The following WWP1 variants were observed in gnomAD, a reference collection of about 807,000 sequenced individuals.
The protein encoded by WWP1 is WW domain containing E3 ubiquitin protein ligase 1.
WWP1 carries 49 observed loss-of-function variants against 130.6 expected under a neutral mutation model. The observed-to-expected ratio is 0.38, with a 90% CI of 0.30 to 0.48. WWP1 has a LOEUF of 0.48. WWP1 is among the 20% of genes least tolerant of loss of function. The pLI, the probability that WWP1 is intolerant of heterozygous loss-of-function variation, is 0.99. For synonymous variants in WWP1, 332 were observed against 367.8 expected, an observed-to-expected ratio of 0.90 and a Z score of 1.11; for missense variants, 809 against 1,100.6, an observed-to-expected ratio of 0.74 and a Z score of 3.75.
intron 3 of WWP1, among the ~76,000 whole-genome samples, chr8:86,376,114 C>G (rs907812028): frequency 6.6e-6 from 1 of 152,214 alleles, no homozygotes; most frequent in East Asian, 1.9e-4. Flanking sequence ...TGAAGAACCA[C>G]TTACATAATT....
At chr8:86,400,350 TAAATA>T (rs1351597854) in intron 7 of WWP1, among the ~76,000 whole-genome samples, 1 of 151,120 alleles carries the variant, frequency 6.6e-6, no homozygotes, top group Non-Finnish European at 1.5e-5. Flanking sequence ...AAAAAATAAA[TAAATA>T]AAGATAGTAA....
chr8:86,459,927 A>G (rs1237583424), intron 22 of WWP1, among the ~76,000 whole-genome samples: 1 of 152,214 alleles, frequency 6.6e-6, no homozygotes, highest in Admixed American at 6.5e-5. Flanking sequence ...TTGTGTTCTG[A>G]TGAAATATGT....
At chr8:86,356,426 C>T (rs189451077) in intron 1 of WWP1, among the ~76,000 whole-genome samples, 8 of 150,744 alleles carry the variant, frequency 5.3e-5, no homozygotes, top group East Asian at 3.9e-4. Flanking sequence ...ATCAAATGCA[C>T]GCATATATAT....
chr8:86,427,631 T>C lies in WWP1; in HGVS notation c.1158-12T>C, dbSNP rs1809707097. 1 of 1,586,434 alleles carries C rather than the reference T, an allele frequency of 6.3e-7. No individual in the cohort carries two copies. The highest frequency in any genetic ancestry group is 8.6e-7 in the Non-Finnish European group (1 of 1,163,580). On this transcript the variant is annotated splice_polypyrimidine_tract_variant and intron_variant, in intron 10 of 24. Coordinates refer to ENST00000517970, the MANE Select transcript of WWP1 (RefSeq NM_007013.4). Reference sequence around the variant, plus strand: ...TGAGAGATTATTGTTTATTATTGTTTACTTGTGGTAGTTGGGAAAGAAGAG... The same window carrying C: ...TGAGAGATTATTGTTTATTATTGTTCACTTGTGGTAGTTGGGAAAGAAGAG...
chr8:86,356,887 G>A (rs1823289197), intron 1 of WWP1, among the ~76,000 whole-genome samples: 1 of 152,120 alleles, frequency 6.6e-6, no homozygotes, highest in African/African-American at 2.4e-5. Flanking sequence ...ATTGTTGCAA[G>A]GTTGTTTCCA....
At chr8:86,397,664 CAT>C (rs944617346) in intron 5 of WWP1, among the ~76,000 whole-genome samples, 3 of 152,050 alleles carry the variant, frequency 2.0e-5, no homozygotes, top group African/African-American at 7.2e-5. Flanking sequence ...TCGTTTAATG[CAT>C]AGTCTAAATA....
At chr8:86,351,949 G>C (rs758436565) in intron 1 of WWP1, among the ~76,000 whole-genome samples, 16 of 151,866 alleles carry the variant, frequency 1.1e-4, no homozygotes, top group Non-Finnish European at 1.2e-4. Context: ...ACATTAGTTT[G>C]AGAACTGTTG....
At chr8:86,459,066 A>G (rs1223107803) in intron 22 of WWP1, among the ~76,000 whole-genome samples, 6 of 106,154 alleles carry the variant, frequency 5.7e-5, no homozygotes, top group African/African-American at 2.3e-4. Flanking sequence ...GTCTCACTCT[A>G]TTGCCTAGGC....
chr8:86,402,102 T>C lies in WWP1; in HGVS notation c.623T>C (p.Val208Ala), dbSNP rs1808019051. ...LVQNSCCSYV[V>A]NGDNTPSSPS... The stretch of plus-strand genomic sequence containing the variant: ...CAAAACTCATGCTGCTCGTATGTAG[T>C]TAATGGAGACAACACACCTTCATCT... The change falls in exon 8 of 25, where the codon GTT becomes GCT. Residue 208 changes from valine to alanine, a missense_variant. Val to Ala is a moderately conservative substitution (Grantham distance 64, BLOSUM62 0). Transcript: ENST00000517970. 1.2e-6 allele frequency: 2 copies of C among 1,614,096 alleles called. No homozygotes were observed. Among genetic ancestry groups the C allele is most frequent in the East Asian group, 4.5e-5 (2 of 44,870 alleles).
chr8:86,466,080 A>T (rs1410091401), intron 24 of WWP1, among the ~76,000 whole-genome samples: 1 of 152,176 alleles, frequency 6.6e-6, no homozygotes, highest in Non-Finnish European at 1.5e-5. Context: ...TACTGTAGGG[A>T]CCAAAACCCT....
At chr8:86,407,488 C>T (rs1367886775) in intron 8 of WWP1, among the ~76,000 whole-genome samples, 1 of 152,116 alleles carries the variant, frequency 6.6e-6, no homozygotes, top group Non-Finnish European at 1.5e-5. Flanking sequence ...CCACTAGGTG[C>T]CAGTAATATC....
At chr8:86,413,324 A>G (rs370312881) in intron 9 of WWP1, among the ~76,000 whole-genome samples, 1 of 152,192 alleles carries the variant, frequency 6.6e-6, no homozygotes, top group African/African-American at 2.4e-5. Flanking sequence ...CTCATGTGCC[A>G]GTCACTGTGG....
At chr8:86,395,326 A>G (rs199590221) in intron 5 of WWP1, among the ~76,000 whole-genome samples, 1 of 152,234 alleles carries the variant, frequency 6.6e-6, no homozygotes, top group South Asian at 2.1e-4. Flanking sequence ...GCAGCCATAG[A>G]GAATATGTAA....
intron 3 of WWP1, among the ~76,000 whole-genome samples, chr8:86,377,252 A>ATTTTTTTTTT (rs35139758): frequency 1.4e-5 from 2 of 138,884 alleles, no homozygotes. Context: ...TTCCTGTCTA[A>ATTTTTTTTTT]TTTTTTTTTT....
intron 5 of WWP1, among the ~76,000 whole-genome samples, chr8:86,387,356 G>T (rs1175994025): frequency 6.6e-6 from 1 of 152,078 alleles, no homozygotes; most frequent in Non-Finnish European, 1.5e-5. Flanking sequence ...AAAATAGCCT[G>T]TGAATAATAA....
intron 9 of WWP1, among the ~76,000 whole-genome samples, chr8:86,414,753 T>A (rs1280152999): frequency 1.3e-5 from 2 of 152,224 alleles, no homozygotes; most frequent in African/African-American, 4.8e-5. Flanking sequence ...TAATTCACTT[T>A]ATATAGAGAT....
At chr8:86,354,001 T>C (rs1441143613) in intron 1 of WWP1, among the ~76,000 whole-genome samples, 1 of 152,234 alleles carries the variant, frequency 6.6e-6, no homozygotes, top group African/African-American at 2.4e-5. Context: ...TTCTTTGTGA[T>C]TTAATTTTTC....
At chr8:86,398,204 C>A in intron 5 of WWP1, 138 bp from the exon 6 acceptor site, 1 of 889,592 alleles carries the variant, frequency 1.1e-6, no homozygotes, top group Non-Finnish European at 1.7e-6. Flanking sequence ...AATTACTTAA[C>A]TAGTTGTCAA....
chr8:86,357,921 G>A (rs1410104062), intron 1 of WWP1, among the ~76,000 whole-genome samples: 1 of 152,156 alleles, frequency 6.6e-6, no homozygotes, highest in Non-Finnish European at 1.5e-5. Context: ...ACGGCTTGGT[G>A]TTGGTATCCT....
Sources: gnomAD v4.1 joint callset for allele counts (sites outside exome capture counted in the v4.1 genomes callset) on GRCh38, gnomAD v4.1.1 for gene constraint, MANE v1.5 for transcripts, NCBI Gene and HGNC (gene_info 2026-07-23, HGNC 2026-07-21) for gene names.